SYNCRIP: variants seen among roughly 807,000 people sequenced by gnomAD.
SYNCRIP encodes the protein synaptotagmin binding cytoplasmic RNA interacting protein.
A neutral mutation model predicts 68.9 loss-of-function variants in SYNCRIP; 9 were observed. That is an observed-to-expected ratio of 0.13 (90% CI 0.08 to 0.23). The LOEUF is 0.23. Ranked by LOEUF, SYNCRIP falls within the 10% of genes least tolerant of loss-of-function variation. The pLI is 1.00. For synonymous variants in SYNCRIP, 258 were observed against 254.0 expected (o/e 1.02, Z -0.15); for missense variants, 414 against 770.6 (o/e 0.54, Z 5.48).
intron 1 of SYNCRIP, 120 bp from the exon 2 acceptor site, chr6:85,641,571 T>A: frequency 1.0e-6 from 1 of 978,004 alleles, no homozygotes; most frequent in Non-Finnish European, 1.5e-6. Context: ...TACCTCCCTT[T>A]AAAAAAGCCT....
downstream of SYNCRIP, chr6:85,612,057 C>T (rs1031912764): frequency 6.6e-6 from 1 of 152,064 alleles, no homozygotes; most frequent in Non-Finnish European, 1.5e-5. Context: ...AGCAAGGCTG[C>T]TTTTTCAGCC....
chr6:85,617,572 A>G (rs1482147442), intron 10 of SYNCRIP, among the ~76,000 whole-genome samples: 1 of 152,230 alleles, frequency 6.6e-6, no homozygotes, highest in Non-Finnish European at 1.5e-5. Context: ...GTCCCAGAAC[A>G]AGCATGGGTC....
At chr6:85,629,401 T>C (rs1303733167) in intron 6 of SYNCRIP, among the ~76,000 whole-genome samples, 11 of 151,740 alleles carry the variant, frequency 7.2e-5, no homozygotes, top group Admixed American at 7.2e-4. Context: ...TATTAAAATA[T>C]CTCTGAACCT....
chr6:85,609,506 A>G (rs1341414850), downstream of SYNCRIP: 1 of 151,956 alleles, frequency 6.6e-6, no homozygotes, highest in Non-Finnish European at 1.5e-5. Flanking sequence ...CTGGTAGAAA[A>G]GTTTCTTAAG....
chr6:85,625,383 T>G (rs1806920033), intron 6 of SYNCRIP, among the ~76,000 whole-genome samples: 1 of 151,820 alleles, frequency 6.6e-6, no homozygotes, highest in African/African-American at 2.4e-5. Flanking sequence ...ATACAGGGTT[T>G]TTTTTTTTTT....
At position 85,624,094 on chromosome 6, in the gene SYNCRIP, G is replaced by A. The variant is rs1462715814; in HGVS notation, c.685C>T (p.Arg229Cys). ...CAGACACCAATATGTTTTCCAGAAC[G>A]AATTTCATGATTATTATACTGAAAG... ...AVKLYNNHEIRSGKHIGVCIS... is the reference protein window; with the variant it reads ...AVKLYNNHEICSGKHIGVCIS... The change falls in exon 7 of 11, where the codon CGT becomes TGT. Residue 229 changes from arginine to cysteine, a missense_variant. Coordinates refer to ENST00000369622, the MANE Select transcript of SYNCRIP (RefSeq NM_006372.5). The A allele has an allele frequency of 1.2e-6, 2 of 1,613,494 alleles. No homozygotes were observed. Among genetic ancestry groups the A allele is most frequent in the South Asian group, 1.1e-5 (1 of 90,992 alleles).
chr6:85,621,607 TAAA>T (rs34749230), intron 8 of SYNCRIP, among the ~76,000 whole-genome samples: 11 of 124,742 alleles, frequency 8.8e-5, no homozygotes, highest in African/African-American at 1.4e-4. Context: ...CCCTGTCACT[TAAA>T]AAAAAAAAAA....
chr6:85,620,356 A>C (rs1583258524), intron 8 of SYNCRIP, among the ~76,000 whole-genome samples: 1 of 152,234 alleles, frequency 6.6e-6, no homozygotes, highest in African/African-American at 2.4e-5. Context: ...GATAGAAACT[A>C]GTTAAAAGCC....
In SYNCRIP at chr6:85,614,703, G is replaced by T; in HGVS notation, c.*53C>A. On this transcript the variant is annotated 3_prime_UTR_variant, in exon 11 of 11. Transcript: ENST00000369622. ...ATAGCGGCACCCGTTCAGATTTAGGGTGAGTTTCTGATCAACCTATCAGTC... is the reference window on the plus strand; with the variant it reads ...ATAGCGGCACCCGTTCAGATTTAGGTTGAGTTTCTGATCAACCTATCAGTC... The T allele has an allele frequency of 6.6e-7, 1 of 1,507,824 alleles. No homozygotes were observed. Among genetic ancestry groups the T allele is most frequent in the African/African-American group, 1.4e-5 (1 of 71,384 alleles). 93.4% of individuals were successfully genotyped at this position (1,507,824 alleles called of 1,614,324 possible).
chr6:85,627,760 T>C (rs1192661445), intron 6 of SYNCRIP, among the ~76,000 whole-genome samples: 1 of 152,200 alleles, frequency 6.6e-6, no homozygotes, highest in Non-Finnish European at 1.5e-5. Context: ...TGTAAAAATC[T>C]AGCCTTCAAG....
intron 10 of SYNCRIP, among the ~76,000 whole-genome samples, chr6:85,616,691 A>C (rs1190493498): frequency 1.3e-5 from 2 of 152,162 alleles, no homozygotes; most frequent in East Asian, 3.9e-4. Context: ...CCAACTGACT[A>C]ACGTAAAAAT....
chr6:85,622,725 A>G lies in SYNCRIP; in HGVS notation c.803-38T>C, dbSNP rs79943300. 5.3e-6 allele frequency: 8 copies of G among 1,510,352 alleles called. No homozygotes were observed. The South Asian group carries it at 6.8e-5, about 13-fold the overall frequency. The allele number at this position is 1,510,352 out of a possible 1,614,324, so 93.6% of individuals were successfully genotyped here. A position where few individuals can be genotyped will look rare whatever the true frequency, so the allele number is the denominator to read the frequency against. On this transcript the variant is annotated intron_variant, in intron 7 of 10. Transcript: ENST00000369622. ...AACCATTCCAGGAAAATTAGATGAA[A>G]TAACTAGCAAATACAAGTGGATCAA...
intron 10 of SYNCRIP, among the ~76,000 whole-genome samples, chr6:85,618,309 G>A (rs1415883926): frequency 6.6e-6 from 1 of 152,086 alleles, no homozygotes; most frequent in African/African-American, 2.4e-5. Flanking sequence ...GGGAGGCAGA[G>A]GTGGGCGGAT....
chr6:85,636,281 C>T (rs1376110252), intron 6 of SYNCRIP, among the ~76,000 whole-genome samples: 3 of 151,888 alleles, frequency 2.0e-5, no homozygotes, highest in African/African-American at 7.3e-5. Context: ...CCCATCTCTA[C>T]TAAAAATATA....
chr6:85,638,296 C>T (rs1808700681), intron 4 of SYNCRIP, among the ~76,000 whole-genome samples: 1 of 143,444 alleles, frequency 7.0e-6, no homozygotes, highest in Admixed American at 7.5e-5. Flanking sequence ...TGCTTAAACG[C>T]TTAAACCTGG....
intron 8 of SYNCRIP, among the ~76,000 whole-genome samples, chr6:85,621,599 C>T (rs1294255212): frequency 4.3e-5 from 6 of 140,338 alleles, no homozygotes; most frequent in African/African-American, 1.8e-4. Context: ...GATCTAGACC[C>T]TGTCACTTAA....
At chr6:85,623,836 T>C (rs919412670) in intron 7 of SYNCRIP, 141 bp downstream of exon 7, 14 of 978,944 alleles carry the variant, frequency 1.4e-5, no homozygotes, top group African/African-American at 3.3e-5. Flanking sequence ...ATCTGAAAAA[T>C]GGGGTTACCT....
intron 6 of SYNCRIP, among the ~76,000 whole-genome samples, chr6:85,635,098 G>GA (rs1167488570): frequency 6.6e-6 from 1 of 152,168 alleles, no homozygotes; most frequent in Non-Finnish European, 1.5e-5. Context: ...CCAGGAGGCA[G>GA]AGATTACAGT....
chr6:85,623,029 A>C (rs182804191), intron 7 of SYNCRIP, among the ~76,000 whole-genome samples: 1 of 152,292 alleles, frequency 6.6e-6, no homozygotes, highest in African/African-American at 2.4e-5. Context: ...TATTTTTCTT[A>C]TTATGCAAAC....
Sources: gnomAD v4.1 joint callset for allele counts (sites outside exome capture counted in the v4.1 genomes callset) on GRCh38, gnomAD v4.1.1 for gene constraint, MANE v1.5 for transcripts, NCBI Gene and HGNC (gene_info 2026-07-23, HGNC 2026-07-21) for gene names.